Variants in TTC23 observed in about 807,000 individuals in gnomAD.
TTC23 encodes the protein tetratricopeptide repeat protein 23.
Under a neutral mutation model 55.1 loss-of-function variants are expected in TTC23, and 58 were observed. The ratio of observed to expected loss-of-function variants is 1.05; its 90% CI spans 0.85 to 1.31. The LOEUF (loss-of-function observed/expected upper bound fraction) is 1.31, where lower values mean the gene tolerates loss of function less well. Among genes scored for constraint, TTC23 ranks in the 50% most tolerant of loss-of-function variants. The pLI is 0.00. For synonymous variants in TTC23, 203 were observed against 199.9 expected (o/e 1.02, Z -0.13); for missense variants, 516 against 534.4 (o/e 0.97, Z 0.34).
At chr15:99,192,209 A>C (rs879252252) in intron 9 of TTC23, among the ~76,000 whole-genome samples, 1 of 152,258 alleles carries the variant, frequency 6.6e-6, no homozygotes, top group Admixed American at 6.5e-5. Context: ...GCAATAGAAA[A>C]GAAAATCCCA....
chr15:99,246,809 A>T (rs2080284151), intron 1 of TTC23, among the ~76,000 whole-genome samples: 1 of 152,050 alleles, frequency 6.6e-6, no homozygotes, highest in South Asian at 2.1e-4. Context: ...AATCCTAGCT[A>T]CTCGGGAGGC....
At chr15:99,167,256 G>A (rs1311426994) in intron 10 of TTC23, among the ~76,000 whole-genome samples, 2 of 152,136 alleles carry the variant, frequency 1.3e-5, no homozygotes, top group Non-Finnish European at 2.9e-5. Context: ...CCTGAAACAG[G>A]GTGTAGGTTC....
intron 7 of TTC23, 84 bp from the exon 8 acceptor site, chr15:99,218,797 T>C: frequency 6.2e-7 from 1 of 1,602,120 alleles, no homozygotes; most frequent in South Asian, 1.1e-5. Flanking sequence ...ATACTTCCAA[T>C]CACACTTCCT....
chr15:99,168,179 G>T (rs2072403886), intron 10 of TTC23, among the ~76,000 whole-genome samples: 1 of 152,216 alleles, frequency 6.6e-6, no homozygotes, highest in African/African-American at 2.4e-5. Flanking sequence ...TGGCAGGGCT[G>T]CTACTCACTA....
chr15:99,234,548 A>G (rs1164432675), intron 4 of TTC23, among the ~76,000 whole-genome samples: 2 of 151,746 alleles, frequency 1.3e-5, no homozygotes, highest in East Asian at 3.9e-4. Flanking sequence ...ATTTTTTTGT[A>G]TTTTTAGTAG....
intron 4 of TTC23, among the ~76,000 whole-genome samples, chr15:99,233,678 G>T (rs970585601): frequency 2.0e-5 from 3 of 152,148 alleles, no homozygotes; most frequent in African/African-American, 7.2e-5. Context: ...TCTACGATCA[G>T]AAACAAGACA....
chr15:99,142,251 G>A (rs539068919), intron 12 of TTC23, among the ~76,000 whole-genome samples: 34 of 152,280 alleles, frequency 2.2e-4, no homozygotes, highest in Non-Finnish European at 4.3e-4. Context: ...AGAGGAGGTG[G>A]TGCTCAGAAA....
intron 10 of TTC23, among the ~76,000 whole-genome samples, chr15:99,174,462 CAA>C (rs34376987): frequency 2.1e-5 from 3 of 141,036 alleles, no homozygotes; most frequent in Non-Finnish European, 3.1e-5. Context: ...ATATTATGAC[CAA>C]AAAAAAAAAA....
chr15:99,146,992 G>A (rs1319438797), intron 12 of TTC23, among the ~76,000 whole-genome samples: 1 of 151,828 alleles, frequency 6.6e-6, no homozygotes, highest in African/African-American at 2.4e-5. Flanking sequence ...ACGGCTCACT[G>A]CAACCTCTGC....
At chr15:99,224,889 A>G (rs2078261639) in intron 5 of TTC23, among the ~76,000 whole-genome samples, 1 of 152,186 alleles carries the variant, frequency 6.6e-6, no homozygotes, top group Admixed American at 6.5e-5. Flanking sequence ...GAGCATCTTC[A>G]TGTGTTAACT....
At chr15:99,218,034 A>G (rs755079387) in intron 8 of TTC23, among the ~76,000 whole-genome samples, 4 of 152,188 alleles carry the variant, frequency 2.6e-5, no homozygotes, top group African/African-American at 9.7e-5. Context: ...TGTCACCCCA[A>G]TACTCTGAGG....
chr15:99,208,527 G>T (rs564354888), intron 8 of TTC23, among the ~76,000 whole-genome samples: 1 of 151,820 alleles, frequency 6.6e-6, no homozygotes, highest in Non-Finnish European at 1.5e-5. Context: ...AATACAACAC[G>T]CAATTGCACA....
At chr15:99,161,685 G>T (rs2071398127) in intron 11 of TTC23, 55 bp downstream of exon 11, 2 of 1,573,028 alleles carry the variant, frequency 1.3e-6, no homozygotes, top group Non-Finnish European at 1.7e-6. Context: ...TAAAGGAGTT[G>T]CCCTTTGGAT....
chr15:99,220,179 C>T (rs1008665790), intron 6 of TTC23, among the ~76,000 whole-genome samples: 2 of 152,192 alleles, frequency 1.3e-5, no homozygotes, highest in East Asian at 1.9e-4. Flanking sequence ...ATCCCCTGCT[C>T]CACCACTTAT....
intron 9 of TTC23, among the ~76,000 whole-genome samples, chr15:99,190,014 A>G (rs1203085449): frequency 1.3e-5 from 2 of 151,682 alleles, no homozygotes; most frequent in African/African-American, 4.8e-5. Flanking sequence ...CCGTCTCTAC[A>G]AAAAAAATAT....
rs2067609084 is a variant in TTC23, at chr15:99,136,594, C to T, written c.*1416G>A. 1 of 152,306 alleles carries T rather than the reference C, an allele frequency of 6.6e-6. No individual in the cohort carries two copies. The highest frequency in any genetic ancestry group is 6.5e-5 in the Admixed American group (1 of 15,298). 9.4% of individuals were successfully genotyped at this position (152,306 alleles called of 1,614,324 possible). A position where few individuals can be genotyped will look rare whatever the true frequency, so the allele number is the denominator to read the frequency against. Reference sequence around the variant, plus strand: ...CTCCTTATAAAGCACTAATCCCATTCATCAGGGCTCCACCCTCATAACCTA... The same window carrying T: ...CTCCTTATAAAGCACTAATCCCATTTATCAGGGCTCCACCCTCATAACCTA... On this transcript the variant is annotated 3_prime_UTR_variant, in exon 14 of 14. Transcript: ENST00000394132.
chr15:99,152,220 C>T (rs2069871588), intron 12 of TTC23, among the ~76,000 whole-genome samples: 1 of 152,158 alleles, frequency 6.6e-6, no homozygotes, highest in South Asian at 2.1e-4. Context: ...GACGTGCCTT[C>T]TCCCACTTTG....
At chr15:99,201,638 C>G (rs1016637961) in intron 8 of TTC23, among the ~76,000 whole-genome samples, 1 of 152,100 alleles carries the variant, frequency 6.6e-6, no homozygotes, top group Non-Finnish European at 1.5e-5. Context: ...TGGATACCTT[C>G]TATAATTGTG....
At chr15:99,154,267 C>T (rs994466620) in intron 12 of TTC23, among the ~76,000 whole-genome samples, 6 of 152,108 alleles carry the variant, frequency 3.9e-5, no homozygotes, top group Non-Finnish European at 7.4e-5. Context: ...ATAATACATA[C>T]AAATATTGGC....
Sources: allele counts gnomAD v4.1 joint callset (sites outside exome capture counted in the v4.1 genomes callset), GRCh38; gene constraint gnomAD v4.1.1; transcripts MANE v1.5; gene names NCBI Gene and HGNC (gene_info 2026-07-23, HGNC 2026-07-21).